DOCK2: variants seen among roughly 807,000 people sequenced by gnomAD.
The protein encoded by DOCK2 is dedicator of cytokinesis 2.
A neutral mutation model predicts 248.9 loss-of-function variants in DOCK2; 87 were observed. That is an observed-to-expected ratio of 0.35 (90% CI 0.29 to 0.42). The LOEUF (loss-of-function observed/expected upper bound fraction) is 0.42. DOCK2 is among the 10% of genes least tolerant of loss of function. The pLI, the probability that DOCK2 is intolerant of heterozygous loss-of-function variation, is 1.00. For synonymous variants in DOCK2, 805 were observed against 821.6 expected (o/e 0.98, Z 0.35); for missense variants, 1,747 against 2,300.2 (o/e 0.76, Z 4.92).
At chr5:169,695,221 G>A (rs1192342036) in intron 9 of DOCK2, 2 of 152,792 alleles carry the variant, frequency 1.3e-5, no homozygotes, top group African/African-American at 4.8e-5. Context: ...GAGTAAGTAA[G>A]TAATCAGAGC....
chr5:170,082,615 G>A (rs984705069), intron 51 of DOCK2, among the ~76,000 whole-genome samples, 181 bp from the exon 52 acceptor site: 1 of 152,168 alleles, frequency 6.6e-6, no homozygotes, highest in Non-Finnish European at 1.5e-5. Context: ...AGTGAGCCTG[G>A]GCTCACTCTA....
chr5:169,951,795 G>A (rs1182093), intron 27 of DOCK2, among the ~76,000 whole-genome samples: 7,921 of 152,176 alleles, frequency 0.052, 562 homozygotes, highest in African/African-American at 0.16. Flanking sequence ...ATTTAAGGCA[G>A]GTACTATTAT....
In DOCK2 at chr5:170,014,640, G is replaced by T. The variant is rs930599823; in HGVS notation, c.3233-4320G>T. On this transcript the variant is annotated intron_variant, in intron 32 of 51. Coordinates refer to ENST00000520908, the MANE Select transcript of DOCK2 (RefSeq NM_004946.3). ...GTTTACTTGCAGAGACATGTGTTGG[G>T]GGGGGTAGACTATGGAGGGGGGGTC... Among the ~76,000 whole-genome samples the T allele has an allele frequency of 2.8e-4, 37 of 131,650 alleles. 1 individual carries two copies. In the East Asian group the frequency reaches 6.9e-3, roughly 24 times the overall value. The allele number at this position is 131,650 out of a possible 152,430, so 86.4% of individuals were successfully genotyped here.
chr5:169,839,277 A>G (rs438737), intron 26 of DOCK2, among the ~76,000 whole-genome samples: 70,297 of 151,598 alleles, frequency 0.46, 17,068 homozygotes, highest in African/African-American at 0.63. Context: ...TCAGACTACA[A>G]AATCTCCAGC....
chr5:169,841,422 C>T (rs1460757685), intron 27 of DOCK2: 15 of 986,100 alleles, frequency 1.5e-5, no homozygotes, highest in African/African-American at 1.7e-5. Flanking sequence ...AACCCTTTAA[C>T]CTCTGCCCAT....
At chr5:169,822,580 G>T (rs1274709297) in intron 26 of DOCK2, among the ~76,000 whole-genome samples, 1 of 152,068 alleles carries the variant, frequency 6.6e-6, no homozygotes, top group Non-Finnish European at 1.5e-5. Context: ...CGAGAACAAA[G>T]ACACAACACG....
chr5:169,738,734 T>TAA (rs1347643568), intron 22 of DOCK2, among the ~76,000 whole-genome samples: 1 of 152,194 alleles, frequency 6.6e-6, no homozygotes, highest in Non-Finnish European at 1.5e-5. Context: ...AGAAGCCAGA[T>TAA]AAGAATCCTG....
At chr5:169,951,457 T>C (rs182474428) in intron 27 of DOCK2, among the ~76,000 whole-genome samples, 31 of 152,348 alleles carry the variant, frequency 2.0e-4, no homozygotes, top group Middle Eastern at 3.4e-3. Context: ...CATAGTCTTC[T>C]GGCTTAGAAA....
chr5:169,753,136 C>T (rs1023718652), intron 23 of DOCK2, among the ~76,000 whole-genome samples: 1 of 152,150 alleles, frequency 6.6e-6, no homozygotes, highest in African/African-American at 2.4e-5. Flanking sequence ...AAGTGTTGAG[C>T]TAAAAGCTTT....
At chr5:169,732,530 T>C (rs1172620566) in intron 22 of DOCK2, among the ~76,000 whole-genome samples, 1 of 152,168 alleles carries the variant, frequency 6.6e-6, no homozygotes. Flanking sequence ...AGTTAGCACA[T>C]CGGGAATCAA....
intron 9 of DOCK2, among the ~76,000 whole-genome samples, 193 bp downstream of exon 9, chr5:169,689,526 CCT>C (rs1461230766): frequency 2.6e-5 from 4 of 152,180 alleles, no homozygotes; most frequent in Non-Finnish European, 2.9e-5. Flanking sequence ...TGGATGTTCA[CCT>C]CTGTTTTTCC....
At chr5:169,772,603 T>G (rs976085171) in intron 25 of DOCK2, among the ~76,000 whole-genome samples, 1 of 152,216 alleles carries the variant, frequency 6.6e-6, no homozygotes, top group Non-Finnish European at 1.5e-5. Flanking sequence ...CTGTAAATGA[T>G]GACACTGAAC....
At chr5:169,674,906 A>G (rs1759249067) in intron 6 of DOCK2, among the ~76,000 whole-genome samples, 1 of 152,256 alleles carries the variant, frequency 6.6e-6, no homozygotes, top group African/African-American at 2.4e-5. Flanking sequence ...AAGAGAAGTA[A>G]AAATTGGTTG....
chr5:169,653,305 C>T (rs1033014203), intron 1 of DOCK2, among the ~76,000 whole-genome samples: 14 of 152,312 alleles, frequency 9.2e-5, no homozygotes, highest in Middle Eastern at 3.4e-3. Context: ...ACAGTGGTAT[C>T]TTCTTATCTT....
chr5:169,698,540 T>A lies in DOCK2; in HGVS notation c.1055+91T>A, dbSNP rs993451043. 1.9e-5 allele frequency: 27 copies of A among 1,399,814 alleles called. No homozygotes were observed. In the African/African-American group the frequency reaches 3.7e-4, roughly 19 times the overall value. The allele number at this position is 1,399,814 out of a possible 1,614,324, so 86.7% of individuals were successfully genotyped here. A position where few individuals can be genotyped will look rare whatever the true frequency, so the allele number is the denominator to read the frequency against. On this transcript the variant is annotated intron_variant, in intron 11 of 51. Coordinates refer to ENST00000520908, the MANE Select transcript of DOCK2 (RefSeq NM_004946.3). ...GCTCAGAGGGTACCAGTTCCCTGAG[T>A]TAGTGATAGGCAGGTGGAGCCTCCC...
chr5:169,829,396 TC>T (rs1269152452), intron 26 of DOCK2, among the ~76,000 whole-genome samples: 1 of 152,242 alleles, frequency 6.6e-6, no homozygotes, highest in Non-Finnish European at 1.5e-5. Flanking sequence ...CTTGGCGTTT[TC>T]ATTAGCCCAT....
chr5:169,954,435 A>C (rs1258387618), intron 27 of DOCK2, among the ~76,000 whole-genome samples: 3 of 152,152 alleles, frequency 2.0e-5, no homozygotes, highest in Admixed American at 6.5e-5. Flanking sequence ...TTGAAGCCCC[A>C]AAAAATGTGT....
At chr5:169,645,039 A>G (rs1394628490) in intron 1 of DOCK2, among the ~76,000 whole-genome samples, 2 of 152,102 alleles carry the variant, frequency 1.3e-5, no homozygotes, top group Non-Finnish European at 2.9e-5. Flanking sequence ...TATCCAATCT[A>G]TCATTGATGG....
intron 26 of DOCK2, among the ~76,000 whole-genome samples, chr5:169,813,015 A>G (rs757580476): frequency 3.9e-5 from 6 of 152,252 alleles, no homozygotes; most frequent in Non-Finnish European, 5.9e-5. Flanking sequence ...TCTGGACCTC[A>G]TAGGAATTCC....
Sources: gnomAD v4.1 joint callset for allele counts (sites outside exome capture counted in the v4.1 genomes callset) on GRCh38, gnomAD v4.1.1 for gene constraint, MANE v1.5 for transcripts, NCBI Gene and HGNC (gene_info 2026-07-23, HGNC 2026-07-21) for gene names.